Variants in SLC9A9 observed in about 807,000 individuals in gnomAD.
SLC9A9 encodes the protein solute carrier family 9 member A9, also known as sodium/hydrogen exchanger 9.
SLC9A9 carries 62 observed loss-of-function variants against 77.8 expected under a neutral mutation model. The observed-to-expected ratio is 0.80, with a 90% CI of 0.65 to 0.98. The LOEUF is 0.98. SLC9A9 is among the 50% of genes least tolerant of loss of function. SLC9A9 has a pLI of 0.00. For synonymous variants in SLC9A9, 320 were observed against 283.5 expected (o/e 1.13, Z -1.29); for missense variants, 775 against 774.9 (o/e 1.00, Z 0.00).
intron 2 of SLC9A9, among the ~76,000 whole-genome samples, chr3:143,826,788 C>G (rs1029339769): frequency 7.2e-5 from 11 of 152,140 alleles, no homozygotes; most frequent in African/African-American, 2.7e-4. Context: ...CTCTGTCCCC[C>G]CAACACCACA....
intron 12 of SLC9A9, among the ~76,000 whole-genome samples, chr3:143,390,576 C>T (rs1474764551): frequency 6.6e-6 from 1 of 152,216 alleles, no homozygotes; most frequent in Non-Finnish European, 1.5e-5. Context: ...CCAGGTTCAT[C>T]TCACTGGGGC....
chr3:143,725,462 A>G (rs977482315), intron 4 of SLC9A9, among the ~76,000 whole-genome samples: 1 of 152,040 alleles, frequency 6.6e-6, no homozygotes, highest in African/African-American at 2.4e-5. Context: ...CACTATTCAC[A>G]ATAGCTAAGA....
At chr3:143,670,692 T>C (rs555631413) in intron 5 of SLC9A9, among the ~76,000 whole-genome samples, 9 of 152,182 alleles carry the variant, frequency 5.9e-5, no homozygotes, top group Non-Finnish European at 1.0e-4. Flanking sequence ...CAGGTGGTAC[T>C]CTGTGTTTAC....
chr3:143,533,216 C>T (rs1422803879), intron 9 of SLC9A9, among the ~76,000 whole-genome samples: 1 of 152,240 alleles, frequency 6.6e-6, no homozygotes, highest in Non-Finnish European at 1.5e-5. Flanking sequence ...TCTCGTGGGG[C>T]TGACATGCCC....
chr3:143,749,766 A>G (rs1388132792), intron 4 of SLC9A9, among the ~76,000 whole-genome samples: 1 of 152,208 alleles, frequency 6.6e-6, no homozygotes, highest in African/African-American at 2.4e-5. Context: ...TTGGTCCATG[A>G]GGTACAGTTA....
At chr3:143,574,881 T>C (rs1559974915) in intron 7 of SLC9A9, among the ~76,000 whole-genome samples, 1 of 152,150 alleles carries the variant, frequency 6.6e-6, no homozygotes, top group Non-Finnish European at 1.5e-5. Flanking sequence ...CATGCGGAGA[T>C]GATTAGGAGT....
At chr3:143,394,712 C>T (rs1165831636) in intron 12 of SLC9A9, among the ~76,000 whole-genome samples, 1 of 152,210 alleles carries the variant, frequency 6.6e-6, no homozygotes, top group Non-Finnish European at 1.5e-5. Flanking sequence ...CCCATCGTCT[C>T]AGCCCCAAAT....
chr3:143,748,907 G>T (rs1388935941), intron 4 of SLC9A9, among the ~76,000 whole-genome samples: 2 of 151,350 alleles, frequency 1.3e-5, no homozygotes, highest in Non-Finnish European at 2.9e-5. Context: ...GTTTCACCTT[G>T]TTAGCCAGGA....
At position 143,301,242 on chromosome 3, in the gene SLC9A9, G is replaced by A. The variant is rs193160891; in HGVS notation, c.1605-32262C>T. Among the ~76,000 whole-genome samples, 10 of 152,266 alleles carry A rather than the reference G, an allele frequency of 6.6e-5. No individual in the cohort carries two copies. The East Asian group carries it at 1.2e-3, about 18-fold the overall frequency. ...TTGCTTACTAAATTTTGACATTTGC[G>A]CAAAATGCATACTTTGTAAGTCTTG... On this transcript the variant is annotated intron_variant, in intron 14 of 15. Transcript: ENST00000316549.
chr3:143,378,581 T>C (rs2033234012), intron 13 of SLC9A9, among the ~76,000 whole-genome samples: 2 of 152,210 alleles, frequency 1.3e-5, no homozygotes, highest in South Asian at 2.1e-4. Flanking sequence ...CAGCCTTTCT[T>C]GAGTAGCAGG....
chr3:143,711,969 T>C (rs1484762702), intron 4 of SLC9A9, among the ~76,000 whole-genome samples: 1 of 152,222 alleles, frequency 6.6e-6, no homozygotes, highest in Non-Finnish European at 1.5e-5. Context: ...ATCTGCTCTA[T>C]TCAATACCAG....
At chr3:143,459,308 G>A (rs1019871620) in intron 12 of SLC9A9, among the ~76,000 whole-genome samples, 14 of 151,926 alleles carry the variant, frequency 9.2e-5, no homozygotes, top group Non-Finnish European at 4.4e-5. Context: ...GTATTCATAT[G>A]CTAAAAAAAT....
intron 14 of SLC9A9, among the ~76,000 whole-genome samples, chr3:143,320,696 A>C (rs760696213): frequency 3.3e-5 from 5 of 152,246 alleles, no homozygotes; most frequent in Non-Finnish European, 5.9e-5. Context: ...CCCCACTTCC[A>C]ACATTGGGAA....
intron 1 of SLC9A9, among the ~76,000 whole-genome samples, chr3:143,841,730 T>G (rs931972981): frequency 9.4e-6 from 1 of 106,368 alleles, no homozygotes; most frequent in Non-Finnish European, 2.1e-5. Context: ...TTTATTTAGT[T>G]TACTTATCCA....
intron 12 of SLC9A9, among the ~76,000 whole-genome samples, chr3:143,428,878 A>G (rs1296119115): frequency 2.7e-5 from 4 of 149,942 alleles, no homozygotes; most frequent in Middle Eastern, 6.8e-3. Context: ...TCCTACAGGT[A>G]GAGAGTAGAA....
intron 14 of SLC9A9, among the ~76,000 whole-genome samples, chr3:143,273,584 A>C (rs1937959159): frequency 6.6e-6 from 1 of 152,110 alleles, no homozygotes; most frequent in Non-Finnish European, 1.5e-5. Flanking sequence ...AAACCACCCA[A>C]GCTATGGTAT....
chr3:143,779,655 G>A (rs1432631203), intron 4 of SLC9A9, among the ~76,000 whole-genome samples: 1 of 152,194 alleles, frequency 6.6e-6, no homozygotes, highest in East Asian at 1.9e-4. Flanking sequence ...ACAAGTGTGA[G>A]CCACCACACT....
At chr3:143,596,594 A>G (rs1301452942) in intron 6 of SLC9A9, among the ~76,000 whole-genome samples, 1 of 152,202 alleles carries the variant, frequency 6.6e-6, no homozygotes, top group Non-Finnish European at 1.5e-5. Flanking sequence ...CATCATGCTT[A>G]CAGAATATTT....
At chr3:143,807,354 T>A (rs531535286) in intron 2 of SLC9A9, among the ~76,000 whole-genome samples, 226 of 152,362 alleles carry the variant, frequency 1.5e-3, no homozygotes, top group African/African-American at 5.3e-3. Context: ...TTTACTCAGA[T>A]TTCTGAATGA....
Sources: gnomAD v4.1 joint callset for allele counts (sites outside exome capture counted in the v4.1 genomes callset) on GRCh38, gnomAD v4.1.1 for gene constraint, MANE v1.5 for transcripts, NCBI Gene and HGNC (gene_info 2026-07-23, HGNC 2026-07-21) for gene names.